Variants in TSPAN5 observed in about 807,000 individuals in gnomAD.
The protein encoded by TSPAN5 is tetraspanin 5, also known as tetraspanin-5.
In TSPAN5, 10 loss-of-function variants were observed where a neutral mutation model predicts 37.1. The ratio of observed to expected loss-of-function variants is 0.27; its 90% confidence interval spans 0.17 to 0.46. The LOEUF (loss-of-function observed/expected upper bound fraction) is 0.46. TSPAN5 is among the 20% of genes least tolerant of loss of function. The pLI is 1.00. For synonymous variants in TSPAN5, 110 were observed against 118.9 expected (o/e 0.93, Z 0.48); for missense variants, 195 against 326.6 (o/e 0.60, Z 3.11).
chr4:98,488,752 G>A (rs975864247), intron 2 of TSPAN5, among the ~76,000 whole-genome samples: 2 of 152,110 alleles, frequency 1.3e-5, no homozygotes, highest in Admixed American at 6.6e-5. Flanking sequence ...CAGAGAAGTC[G>A]GACAAAATCC....
intron 1 of TSPAN5, among the ~76,000 whole-genome samples, chr4:98,630,532 A>G (rs1331395630): frequency 6.6e-6 from 1 of 152,098 alleles, no homozygotes; most frequent in Non-Finnish European, 1.5e-5. Flanking sequence ...TTCCCTAAAC[A>G]TCCCTGGATT....
chr4:98,523,512 G>T (rs970452362), intron 1 of TSPAN5, among the ~76,000 whole-genome samples: 9 of 152,264 alleles, frequency 5.9e-5, no homozygotes, highest in African/African-American at 1.9e-4. Context: ...TCGGCTCACT[G>T]CAACCTCTGC....
intron 2 of TSPAN5, among the ~76,000 whole-genome samples, chr4:98,492,157 G>C (rs1366232751): frequency 6.6e-6 from 1 of 152,112 alleles, no homozygotes; most frequent in East Asian, 1.9e-4. Flanking sequence ...GCCTGGTGAG[G>C]GCTGAGAAGC....
At chr4:98,565,806 T>C (rs4699349) in intron 1 of TSPAN5, among the ~76,000 whole-genome samples, 102,736 of 151,958 alleles carry the variant, frequency 0.68, 34,893 homozygotes, top group South Asian at 0.81. Context: ...TGGCCTAGAG[T>C]ACATGCTTCA....
intron 1 of TSPAN5, among the ~76,000 whole-genome samples, chr4:98,536,279 C>T (rs1024580573): frequency 2.0e-5 from 3 of 152,260 alleles, no homozygotes; most frequent in East Asian, 1.9e-4. Flanking sequence ...CTTCTGCTGC[C>T]GGTCTGCTGG....
At chr4:98,520,928 T>C (rs1231512705) in intron 1 of TSPAN5, among the ~76,000 whole-genome samples, 5 of 150,880 alleles carry the variant, frequency 3.3e-5, no homozygotes, top group Non-Finnish European at 7.4e-5. Context: ...ACATCTACAC[T>C]TTTTTGGGGG....
intron 2 of TSPAN5, among the ~76,000 whole-genome samples, chr4:98,488,426 GA>G (rs201539510): frequency 0.012 from 1,773 of 152,270 alleles, 14 homozygotes; most frequent in South Asian, 0.022. Flanking sequence ...TGTATATGGG[GA>G]AATAAAGAAC....
chr4:98,607,235 C>T (rs846014), intron 1 of TSPAN5, among the ~76,000 whole-genome samples: 95,807 of 151,990 alleles, frequency 0.63, 30,300 homozygotes, highest in East Asian at 0.73. Flanking sequence ...ACTGAGTTTT[C>T]AGAAAAACAG....
intron 2 of TSPAN5, among the ~76,000 whole-genome samples, chr4:98,503,030 G>A (rs949484093): frequency 2.6e-5 from 4 of 152,006 alleles, no homozygotes; most frequent in Non-Finnish European, 4.4e-5. Flanking sequence ...AAAATGTATA[G>A]CTGAAATCAA....
intron 3 of TSPAN5, chr4:98,482,538 G>A (rs1283593626): frequency 6.1e-6 from 1 of 165,220 alleles, no homozygotes; most frequent in East Asian, 1.8e-4. Flanking sequence ...CCTATCTCTA[G>A]TAAGCTTCTG....
intron 1 of TSPAN5, among the ~76,000 whole-genome samples, chr4:98,523,509 A>G (rs946273364): frequency 6.6e-6 from 1 of 152,166 alleles, no homozygotes; most frequent in Admixed American, 6.5e-5. Context: ...TGCTCGGCTC[A>G]CTGCAACCTC....
At chr4:98,559,966 C>T (rs1422849077) in intron 1 of TSPAN5, among the ~76,000 whole-genome samples, 2 of 152,186 alleles carry the variant, frequency 1.3e-5, no homozygotes, top group African/African-American at 2.4e-5. Context: ...AACATATAAC[C>T]AATCCTTTCA....
intron 4 of TSPAN5, among the ~76,000 whole-genome samples, chr4:98,480,326 A>G (rs921820376): frequency 3.3e-5 from 5 of 152,230 alleles, no homozygotes; most frequent in Admixed American, 6.5e-5. Flanking sequence ...ACTTTTCATC[A>G]TATTTGTTTC....
chr4:98,500,899 G>A (rs1228918854), intron 2 of TSPAN5, among the ~76,000 whole-genome samples: 1 of 152,146 alleles, frequency 6.6e-6, no homozygotes, highest in Non-Finnish European at 1.5e-5. Context: ...AGTGGGCTAG[G>A]TGCTGTATTA....
At chr4:98,639,921 A>C (rs1756928416) in intron 1 of TSPAN5, among the ~76,000 whole-genome samples, 1 of 152,216 alleles carries the variant, frequency 6.6e-6, no homozygotes, top group Admixed American at 6.5e-5. Context: ...AGCACTTATA[A>C]TAGCTCAGAA....
At chr4:98,617,379 C>G (rs1011064239) in intron 1 of TSPAN5, among the ~76,000 whole-genome samples, 1 of 152,134 alleles carries the variant, frequency 6.6e-6, no homozygotes, top group Non-Finnish European at 1.5e-5. Context: ...GCAGGACAAA[C>G]AGCAGAACCT....
chr4:98,555,381 G>A (rs1754717884), intron 1 of TSPAN5, among the ~76,000 whole-genome samples: 1 of 152,000 alleles, frequency 6.6e-6, no homozygotes, highest in African/African-American at 2.4e-5. Flanking sequence ...ATAAAGACAG[G>A]GTACTCCTAC....
chr4:98,637,807 G>T (rs1756888080), intron 1 of TSPAN5, among the ~76,000 whole-genome samples: 1 of 152,164 alleles, frequency 6.6e-6, no homozygotes, highest in Non-Finnish European at 1.5e-5. Context: ...ACTTCAAGAT[G>T]ATCTAAGTGT....
rs115966855 is a variant in TSPAN5 at position 98,577,660 on chromosome 4, C to A, written c.82-69932G>T. On this transcript the variant is annotated intron_variant, in intron 1 of 7. Transcript: ENST00000305798. ...CGAAGCCCTGAGGAAAACTGGAACA[C>A]CCCAGAGAAAGAAAAGAGAAGCAAT... 9.6e-3 allele frequency among the ~76,000 whole-genome samples: 1,455 copies of A among 152,314 alleles called. 22 individuals are homozygous for A. The highest frequency in any genetic ancestry group is 0.033 in the African/African-American group (1,375 of 41,546).
Sources: allele counts gnomAD v4.1 joint callset (sites outside exome capture counted in the v4.1 genomes callset), GRCh38; gene constraint gnomAD v4.1.1; transcripts MANE v1.5; gene names NCBI Gene and HGNC (gene_info 2026-07-23, HGNC 2026-07-21).